The following RPS19BP1 variants were observed in gnomAD, a reference collection of about 807,000 sequenced individuals.
RPS19BP1 encodes ribosomal protein S19 binding protein 1.
Under a neutral mutation model 16.6 loss-of-function variants are expected in RPS19BP1, and 14 were observed. The observed-to-expected ratio is 0.84, with a 90% CI of 0.56 to 1.32. The LOEUF (loss-of-function observed/expected upper bound fraction) is 1.32, where lower values mean the gene tolerates loss of function less well. Among genes scored for constraint, RPS19BP1 ranks in the 40% most tolerant of loss-of-function variants. RPS19BP1 has a pLI of 0.00. For missense variants in RPS19BP1, 188 were observed against 178.6 expected (o/e 1.05, Z -0.30); for synonymous variants, 90 against 77.3 (o/e 1.16, Z -0.86).
intron 2 of RPS19BP1, chr22:39,530,411 A>T (rs982094251): frequency 3.1e-5 from 7 of 224,096 alleles, no homozygotes; most frequent in African/African-American, 1.4e-4. Context: ...AATGTGTCAA[A>T]TGTGTTTGAA....
Position 39,532,535 on chromosome 22 carries a change from G to A in RPS19BP1, c.53-12C>T, listed in dbSNP as rs1004601488. 8.7e-6 allele frequency: 14 copies of A among 1,613,524 alleles called. No individual in the cohort carries two copies. The highest frequency in any genetic ancestry group is 6.7e-5 in the East Asian group (3 of 44,886). The stretch of plus-strand genomic sequence containing the variant: ...AGGGTCCCGGGGGGCTGTAGGGGAA[G>A]AGAGAGGAAGAGACCCAGGTCAGAG... On this transcript the variant is annotated splice_polypyrimidine_tract_variant and intron_variant, in intron 1 of 3. Transcript: ENST00000334678.
chr22:39,529,295 T>G lies in RPS19BP1; in HGVS notation c.*197A>C. 3.0e-6 allele frequency: 2 copies of G among 674,726 alleles called. No homozygotes were observed. The highest frequency in any genetic ancestry group is 1.9e-5 in the South Asian group (1 of 52,306). The allele number at this position is 674,726 out of a possible 1,614,324, so 41.8% of individuals were successfully genotyped here. A position where few individuals can be genotyped will look rare whatever the true frequency, so the allele number is the denominator to read the frequency against. ...AGGCCTGCGGAAGCCAGCTCCGGTC[T>G]GTGTGTAAATCCTCCCCAGGACTTC... is the stretch of plus-strand genomic sequence containing the variant. On this transcript the variant is annotated 3_prime_UTR_variant, in exon 4 of 4. Transcript: ENST00000334678.
chr22:39,529,687 A>AG (rs1244180402), intron 3 of RPS19BP1, 64 bp from the exon 4 acceptor site: 2 of 1,605,668 alleles, frequency 1.2e-6, no homozygotes, highest in African/African-American at 1.3e-5. Flanking sequence ...CAAAGGTCAC[A>AG]GGGGAGTTCG....
In RPS19BP1 at chr22:39,529,409, GCGCGGC is replaced by G; in HGVS notation, c.*77_*82del. On this transcript the variant is annotated 3_prime_UTR_variant, in exon 4 of 4. Transcript: ENST00000334678. ...GGTCCTGCATCGCCATCTGCTGGCC[GCGCGGC>G]ACGGCCGGTTCCTGGAGCCAGCAGG... The G allele has an allele frequency of 6.4e-7, 1 of 1,559,930 alleles. No individual in the cohort carries two copies. Among genetic ancestry groups the G allele is most frequent in the Non-Finnish European group, 8.7e-7 (1 of 1,150,510 alleles).
chr22:39,529,189 G>T lies in RPS19BP1; in HGVS notation c.*303C>A. The T allele has an allele frequency of 2.5e-6, 1 of 398,296 alleles. No homozygotes were observed. The highest frequency in any genetic ancestry group is 4.6e-6 in the Non-Finnish European group (1 of 216,112). The allele number at this position is 398,296 out of a possible 1,614,324, so 24.7% of individuals were successfully genotyped here. A position where few individuals can be genotyped will look rare whatever the true frequency, so the allele number is the denominator to read the frequency against. ...GCTCAGGAATTAGCCTTGCTCCACAGCAAACAGCCCAGAGGCCCCACCTGG... is the reference window on the plus strand; with the variant it reads ...GCTCAGGAATTAGCCTTGCTCCACATCAAACAGCCCAGAGGCCCCACCTGG... On this transcript the variant is annotated 3_prime_UTR_variant, in exon 4 of 4. Transcript: ENST00000334678.
intron 2 of RPS19BP1, 53 bp from the exon 3 acceptor site, chr22:39,529,970 T>C: frequency 6.9e-7 from 1 of 1,447,168 alleles, no homozygotes; most frequent in Non-Finnish European, 9.7e-7. Flanking sequence ...CCTGGAACCA[T>C]TCTCAGTCCC....
At chr22:39,530,552 C>T (rs926565028) in intron 2 of RPS19BP1, 7 of 285,914 alleles carry the variant, frequency 2.4e-5, no homozygotes, top group Non-Finnish European at 3.6e-5. Flanking sequence ...GGTGAAACCC[C>T]GTCTGTATTA....
chr22:39,529,981 T>C, intron 2 of RPS19BP1, 64 bp from the exon 3 acceptor site: 1 of 1,328,178 alleles, frequency 7.5e-7, no homozygotes, highest in Non-Finnish European at 1.1e-6. Context: ...TCTCAGTCCC[T>C]GGCCCATGGC....
chr22:39,532,329 G>A (rs1397512110), intron 2 of RPS19BP1, 66 bp downstream of exon 2: 3 of 1,608,596 alleles, frequency 1.9e-6, no homozygotes, highest in Non-Finnish European at 2.5e-6. Context: ...TGCCTCAAGC[G>A]CCACCTCCTC....
At chr22:39,531,141 C>G (rs113786937) in intron 2 of RPS19BP1, 1 of 152,236 alleles carries the variant, frequency 6.6e-6, no homozygotes, top group South Asian at 2.1e-4. Context: ...AGGCTGCGGA[C>G]AAGCCCAAGG....
Position 39,532,454 on chromosome 22 carries a change from G to A in RPS19BP1, c.122C>T (p.Ala41Val), listed in dbSNP as rs1440850400. The change falls in exon 2 of 4, where the codon GCA (alanine) becomes GTA (valine). Residue 41 changes from alanine to valine, a missense_variant. Ala to Val is a moderately conservative substitution (Grantham distance 64). Coordinates refer to ENST00000334678, the MANE Select transcript of RPS19BP1 (RefSeq NM_194326.4). ...GTTCCGCAGTTTCTGGGCCTGAATT[G>A]CCTTCGTCTTCCGGGGCCGTTTCAC... Reference protein sequence around the residue: ...APVKRPRKTKAIQAQKLRNSA... With the variant: ...APVKRPRKTKVIQAQKLRNSA... 3.7e-6 allele frequency: 6 copies of A among 1,614,240 alleles called. No individual in the cohort carries two copies. Among genetic ancestry groups the A allele is most frequent in the East Asian group, 2.2e-5 (1 of 44,890 alleles).
Position 39,529,567 on chromosome 22 carries a change from C to G in RPS19BP1, c.336G>C (p.Lys112Asn). 6.2e-7 allele frequency: 1 copy of G among 1,614,202 alleles called. No individual in the cohort carries two copies. Among genetic ancestry groups the G allele is most frequent in the Non-Finnish European group, 8.5e-7 (1 of 1,180,016 alleles). Residue 112 changes from lysine to asparagine, a missense_variant, in exon 4 of 4, where the codon AAG becomes AAC. By Grantham distance (94) the Lys-to-Asn change is moderately conservative. Transcript: ENST00000334678. ...ACACGGTGCCCTCAGCCTTCTTCTT[C>G]TTGGTCTTGGCCACAGGCCGGTCAC... is the stretch of plus-strand genomic sequence containing the variant. ...KACDRPVAKT[K>N]KKKAEGTVFT...
In RPS19BP1 at chr22:39,529,413, G is replaced by C. The variant is rs1025299706; in HGVS notation, c.*79C>G. The C allele has an allele frequency of 3.2e-6, 5 of 1,568,154 alleles. No individual in the cohort carries two copies. The highest frequency in any genetic ancestry group is 1.4e-5 in the African/African-American group (1 of 73,680). ...CTGCATCGCCATCTGCTGGCCGCGC[G>C]GCACGGCCGGTTCCTGGAGCCAGCA... On this transcript the variant is annotated 3_prime_UTR_variant, in exon 4 of 4. Coordinates refer to ENST00000334678, the MANE Select transcript of RPS19BP1 (RefSeq NM_194326.4).
chr22:39,532,298 C>T lies in RPS19BP1; in HGVS notation c.181+97G>A, dbSNP rs991087642. 15 of 1,566,952 alleles carry T rather than the reference C, an allele frequency of 9.6e-6. No homozygotes were observed. The Admixed American group carries it at 1.9e-4, about 19-fold the overall frequency. On this transcript the variant is annotated intron_variant, in intron 2 of 3. Transcript: ENST00000334678. ...CTGGCACACAGTAGGTCTAGCAATA[C>T]CGGGCGAACGCTTCAAGCCCTGCCT... is the stretch of plus-strand genomic sequence containing the variant.
intron 2 of RPS19BP1, chr22:39,531,206 G>T (rs1747411806): frequency 6.6e-6 from 1 of 152,256 alleles, no homozygotes; most frequent in Admixed American, 6.5e-5. Context: ...GAGCACCCAG[G>T]ACACGACAGT....
At position 39,532,384 on chromosome 22, in the gene RPS19BP1, C is replaced by G. The variant is rs773226811; in HGVS notation, c.181+11G>C. ...CCGGAGGCAGCACTTTCAGCCCCTT[C>G]CCGAACTTACCCAGTGCCGACTTGG... On this transcript the variant is annotated intron_variant, in intron 2 of 3. Coordinates refer to ENST00000334678, the MANE Select transcript of RPS19BP1 (RefSeq NM_194326.4). 6.2e-7 allele frequency: 1 copy of G among 1,614,062 alleles called. No individual in the cohort carries two copies. Among genetic ancestry groups the G allele is most frequent in the Non-Finnish European group, 8.5e-7 (1 of 1,180,026 alleles).
chr22:39,529,409 G>T lies in RPS19BP1; in HGVS notation c.*83C>A. ...GGTCCTGCATCGCCATCTGCTGGCCGCGCGGCACGGCCGGTTCCTGGAGCC... is the reference window on the plus strand; with the variant it reads ...GGTCCTGCATCGCCATCTGCTGGCCTCGCGGCACGGCCGGTTCCTGGAGCC... On this transcript the variant is annotated 3_prime_UTR_variant, in exon 4 of 4. Coordinates refer to ENST00000334678, the MANE Select transcript of RPS19BP1 (RefSeq NM_194326.4). 2.6e-6 allele frequency: 4 copies of T among 1,559,930 alleles called. No individual in the cohort carries two copies. The highest frequency in any genetic ancestry group is 3.5e-6 in the Non-Finnish European group (4 of 1,150,510).
chr22:39,530,437 G>T, intron 2 of RPS19BP1: 1 of 226,012 alleles, frequency 4.4e-6, no homozygotes. Flanking sequence ...CAAAACAGCT[G>T]GAATGGCTGG....
chr22:39,531,824 C>T (rs974472363), intron 2 of RPS19BP1: 5 of 152,970 alleles, frequency 3.3e-5, no homozygotes, highest in Admixed American at 2.0e-4. Context: ...AAGGATCAAA[C>T]GAGCTTACAT....
Sources: gnomAD v4.1 joint callset for allele counts on GRCh38, gnomAD v4.1.1 for gene constraint, MANE v1.5 for transcripts, NCBI Gene and HGNC (gene_info 2026-07-23, HGNC 2026-07-21) for gene names.